The following CEP170 variants were observed in gnomAD, a reference collection of about 807,000 sequenced individuals.
The protein encoded by CEP170 is centrosomal protein of 170 kDa.
A neutral mutation model predicts 151.9 loss-of-function variants in CEP170; 21 were observed. The ratio of observed to expected loss-of-function variants is 0.14; its 90% CI spans 0.10 to 0.20. The LOEUF (loss-of-function observed/expected upper bound fraction) is 0.20, where lower values mean the gene tolerates loss of function less well. CEP170 is among the 10% of genes least tolerant of loss of function. The pLI is 1.00. For synonymous variants in CEP170, 356 were observed against 648.8 expected (o/e 0.55, Z 6.86); for missense variants, 964 against 1,892.9 (o/e 0.51, Z 9.11).
intron 16 of CEP170, among the ~76,000 whole-genome samples, chr1:243,136,941 G>T (rs1225056449): frequency 6.9e-6 from 1 of 144,308 alleles, no homozygotes; most frequent in Non-Finnish European, 1.5e-5. Flanking sequence ...GTAAGTTTTT[G>T]TACTGAGTGT....
chr1:243,165,992 C>T lies in CEP170; in HGVS notation c.1968G>A (p.Glu656=), dbSNP rs1488475467. Residue 656 remains glutamate (E), a synonymous_variant, in exon 13 of 20, where the codon GAG becomes GAA. Coordinates refer to ENST00000366542, the MANE Select transcript of CEP170 (RefSeq NM_014812.3). ...PQLPNEEKSL[E]SHRAKVVTQR... ...GTGTTACAACCTTTGCTCTGTGGCT[C>T]TCAAGAGACTTTTCTTCATTTGGAA... 4 of 1,613,260 alleles carry T rather than the reference C, an allele frequency of 2.5e-6. No individual in the cohort carries two copies. The highest frequency in any genetic ancestry group is 3.4e-6 in the Non-Finnish European group (4 of 1,179,584).
chr1:243,155,402 C>T (rs2057458018), intron 14 of CEP170, among the ~76,000 whole-genome samples: 1 of 151,972 alleles, frequency 6.6e-6, no homozygotes, highest in South Asian at 2.1e-4. Flanking sequence ...TGTATAAACT[C>T]TTTAATAATG....
At chr1:243,209,681 G>A (rs2061650035) in intron 4 of CEP170, among the ~76,000 whole-genome samples, 2 of 150,960 alleles carry the variant, frequency 1.3e-5, no homozygotes, top group East Asian at 2.0e-4. Context: ...CACTATAACA[G>A]ATGGTTTTTT....
At chr1:243,170,473 A>G (rs374208081) in intron 11 of CEP170, among the ~76,000 whole-genome samples, 3 of 152,234 alleles carry the variant, frequency 2.0e-5, no homozygotes, top group Admixed American at 6.5e-5. Flanking sequence ...ATAAATCACT[A>G]TAAGATTTCA....
At chr1:243,217,846 C>T (rs986873262) in intron 3 of CEP170, among the ~76,000 whole-genome samples, 1 of 152,148 alleles carries the variant, frequency 6.6e-6, no homozygotes, top group Admixed American at 6.5e-5. Flanking sequence ...ATGAAGTAAT[C>T]ATCAAGATCT....
At chr1:243,178,022 T>C (rs1343801460) in intron 10 of CEP170, among the ~76,000 whole-genome samples, 1 of 152,070 alleles carries the variant, frequency 6.6e-6, no homozygotes, top group Non-Finnish European at 1.5e-5. Context: ...CAATAAGATA[T>C]TTATTCAGCC....
chr1:243,152,747 G>C (rs1329966843), intron 14 of CEP170, among the ~76,000 whole-genome samples: 22 of 141,788 alleles, frequency 1.6e-4, no homozygotes, highest in East Asian at 1.5e-3. Flanking sequence ...TAGCCAGGAT[G>C]GTCTCTATCT....
intron 14 of CEP170, among the ~76,000 whole-genome samples, chr1:243,147,824 A>C (rs2056671037): frequency 6.6e-6 from 1 of 152,218 alleles, no homozygotes; most frequent in Admixed American, 6.5e-5. Context: ...AAAAATTTTC[A>C]ATTTGGAATC....
At chr1:243,238,457 GAAA>G (rs933828068) in intron 1 of CEP170, among the ~76,000 whole-genome samples, 1 of 143,920 alleles carries the variant, frequency 6.9e-6, no homozygotes, top group Admixed American at 6.9e-5. Context: ...AACTGCCCTG[GAAA>G]AAAAAAAAAG....
intron 1 of CEP170, among the ~76,000 whole-genome samples, chr1:243,251,823 GT>G (rs1171547470): frequency 6.6e-6 from 1 of 152,014 alleles, no homozygotes; most frequent in African/African-American, 2.4e-5. Context: ...TGCTTTTGCT[GT>G]TTTGTTTTTC....
At chr1:243,209,295 C>T (rs2061618595) in intron 4 of CEP170, among the ~76,000 whole-genome samples, 1 of 152,022 alleles carries the variant, frequency 6.6e-6, no homozygotes, top group Admixed American at 6.5e-5. Context: ...AACAATTCTC[C>T]CTGCCTCAGC....
intron 1 of CEP170, among the ~76,000 whole-genome samples, chr1:243,238,182 A>T (rs1002905610): frequency 2.6e-5 from 4 of 152,116 alleles, no homozygotes; most frequent in Admixed American, 1.3e-4. Flanking sequence ...CGCTAGGCAC[A>T]GCCAGCCTAA....
chr1:243,254,756 G>T (rs939946255), intron 1 of CEP170, among the ~76,000 whole-genome samples: 7 of 125,224 alleles, frequency 5.6e-5, no homozygotes, highest in African/African-American at 2.0e-4. Flanking sequence ...AGGGGCTCGG[G>T]AAAGCCGGGG....
At chr1:243,211,135 T>C (rs1199250426) in intron 4 of CEP170, 1 of 151,494 alleles carries the variant, frequency 6.6e-6, no homozygotes, top group Admixed American at 6.6e-5. Flanking sequence ...ACCTTCAGCA[T>C]TATGTGGAAT....
At chr1:243,244,506 T>A (rs1021595374) in intron 1 of CEP170, among the ~76,000 whole-genome samples, 1 of 151,514 alleles carries the variant, frequency 6.6e-6, no homozygotes, top group Non-Finnish European at 1.5e-5. Context: ...ACTTTGGGAG[T>A]CTCAGGCAGG....
intron 8 of CEP170, among the ~76,000 whole-genome samples, chr1:243,187,107 A>T: frequency 6.6e-6 from 1 of 152,248 alleles, no homozygotes; most frequent in Non-Finnish European, 1.5e-5. Flanking sequence ...CTATCAATGC[A>T]AAGGGTCATC....
intron 8 of CEP170, among the ~76,000 whole-genome samples, chr1:243,186,703 G>A (rs993612914): frequency 3.3e-5 from 5 of 152,126 alleles, no homozygotes; most frequent in African/African-American, 7.2e-5. Context: ...GATAATTGAT[G>A]CTCTATCTCT....
chr1:243,131,646 C>T (rs2787252), intron 17 of CEP170, among the ~76,000 whole-genome samples: 1 of 151,870 alleles, frequency 6.6e-6, no homozygotes, highest in South Asian at 2.1e-4. Flanking sequence ...AATCAGAAAA[C>T]CAGACCAAGA....
intron 8 of CEP170, among the ~76,000 whole-genome samples, chr1:243,187,876 G>T (rs2060036690): frequency 6.6e-6 from 1 of 152,054 alleles, no homozygotes; most frequent in Non-Finnish European, 1.5e-5. Context: ...GGAAACAAAG[G>T]GAGTAAGATC....
Sources: allele counts gnomAD v4.1 joint callset (sites outside exome capture counted in the v4.1 genomes callset), GRCh38; gene constraint gnomAD v4.1.1; transcripts MANE v1.5; gene names NCBI Gene and HGNC (gene_info 2026-07-23, HGNC 2026-07-21).